RYR3: variants seen among roughly 807,000 people sequenced by gnomAD.
RYR3 encodes the protein ryanodine receptor 3.
RYR3 carries 207 observed loss-of-function variants against 584.3 expected under a neutral mutation model. That is an observed-to-expected ratio of 0.35 (90% confidence interval 0.32 to 0.40). The LOEUF (loss-of-function observed/expected upper bound fraction) is 0.40, where lower values mean the gene tolerates loss of function less well. Among genes scored for constraint, RYR3 ranks in the 10% least tolerant of loss-of-function variants. The pLI is 1.00. For missense variants in RYR3, 5,616 were observed against 6,089.2 expected, an observed-to-expected ratio of 0.92 and a Z score of 2.59; for synonymous variants, 2,416 against 2,248.5, an observed-to-expected ratio of 1.07 and a Z score of -2.11.
At chr15:33,371,593 T>TATA (rs758310765) in intron 1 of RYR3, among the ~76,000 whole-genome samples, 10 of 152,220 alleles carry the variant, frequency 6.6e-5, no homozygotes, top group Non-Finnish European at 1.2e-4. Flanking sequence ...CCATGGGGTT[T>TATA]ATAATCATGT....
At chr15:33,326,079 C>T (rs186605437) in intron 1 of RYR3, among the ~76,000 whole-genome samples, 15 of 152,302 alleles carry the variant, frequency 9.8e-5, no homozygotes, top group African/African-American at 3.1e-4. Context: ...GCTGGGATTA[C>T]AGGTGTGAGC....
chr15:33,470,732 C>T (rs566563863), intron 1 of RYR3, among the ~76,000 whole-genome samples: 4 of 152,084 alleles, frequency 2.6e-5, no homozygotes, highest in South Asian at 2.1e-4. Flanking sequence ...AGTTTTTGCA[C>T]GTGGGTAGAA....
chr15:33,330,600 T>G (rs1287919391), intron 1 of RYR3, among the ~76,000 whole-genome samples: 1 of 152,192 alleles, frequency 6.6e-6, no homozygotes, highest in Non-Finnish European at 1.5e-5. Flanking sequence ...TTTTATGAGT[T>G]GATTTGAATT....
intron 1 of RYR3, among the ~76,000 whole-genome samples, chr15:33,415,446 A>G (rs1056585786): frequency 3.3e-5 from 5 of 152,106 alleles, no homozygotes; most frequent in African/African-American, 1.2e-4. Flanking sequence ...GTGAATAAAG[A>G]TTCCATATGT....
At chr15:33,693,583 C>T (rs906763056) in intron 38 of RYR3, among the ~76,000 whole-genome samples, 4 of 152,268 alleles carry the variant, frequency 2.6e-5, no homozygotes, top group Admixed American at 2.6e-4. Flanking sequence ...TTAAATGGAA[C>T]AGAAGCTAAA....
intron 70 of RYR3, among the ~76,000 whole-genome samples, chr15:33,809,962 C>A (rs28451615): frequency 0.019 from 2,845 of 152,314 alleles, 104 homozygotes; most frequent in African/African-American, 0.066. Flanking sequence ...GATTCCAAAG[C>A]AGCCCTGCTT....
intron 1 of RYR3, among the ~76,000 whole-genome samples, chr15:33,314,396 G>A (rs1967791858): frequency 6.6e-6 from 1 of 152,200 alleles, no homozygotes; most frequent in African/African-American, 2.4e-5. Flanking sequence ...GTTATGGTGA[G>A]AAGAGTGGCA....
intron 1 of RYR3, among the ~76,000 whole-genome samples, chr15:33,361,389 C>G (rs1974748529): frequency 6.6e-6 from 1 of 152,174 alleles, no homozygotes; most frequent in African/African-American, 2.4e-5. Context: ...AGAAATAAAA[C>G]TACCTAACCA....
intron 12 of RYR3, among the ~76,000 whole-genome samples, chr15:33,576,971 C>G (rs2058331399): frequency 6.6e-6 from 1 of 152,076 alleles, no homozygotes; most frequent in Admixed American, 6.6e-5. Flanking sequence ...TAAACACCAA[C>G]AGCGAACAAG....
At chr15:33,842,404 GA>G (rs1164220330) in intron 91 of RYR3, among the ~76,000 whole-genome samples, 1 of 152,234 alleles carries the variant, frequency 6.6e-6, no homozygotes, top group Non-Finnish European at 1.5e-5. Context: ...GAATCAGAAA[GA>G]ATGTTCCTCT....
intron 67 of RYR3, 22 bp from the exon 68 acceptor site, chr15:33,800,748 G>A (rs2075874074): frequency 3.2e-6 from 5 of 1,577,038 alleles, no homozygotes; most frequent in Non-Finnish European, 4.4e-6. Flanking sequence ...TCAAATGCCT[G>A]TTTATTTACT....
intron 36 of RYR3, among the ~76,000 whole-genome samples, chr15:33,666,060 A>G (rs1566911269): frequency 6.6e-6 from 1 of 152,188 alleles, no homozygotes; most frequent in Admixed American, 6.5e-5. Flanking sequence ...GCTGGGATGC[A>G]GTGGCATGGT....
intron 85 of RYR3, among the ~76,000 whole-genome samples, chr15:33,829,300 C>A (rs2077540491): frequency 6.6e-6 from 1 of 152,074 alleles, no homozygotes; most frequent in Admixed American, 6.6e-5. Context: ...TTCTGCAGCC[C>A]ATGGATCAAG....
chr15:33,789,373 G>C (rs915053224), intron 67 of RYR3, among the ~76,000 whole-genome samples: 1 of 151,728 alleles, frequency 6.6e-6, no homozygotes, highest in African/African-American at 2.4e-5. Context: ...AAGAAGACCA[G>C]TGGGAGGTTC....
chr15:33,496,999 C>T (rs921249864), intron 2 of RYR3, among the ~76,000 whole-genome samples: 1 of 152,126 alleles, frequency 6.6e-6, no homozygotes, highest in African/African-American at 2.4e-5. Context: ...GGTACAGGAA[C>T]GAATGTACAT....
At chr15:33,325,693 C>T (rs75056582) in intron 1 of RYR3, among the ~76,000 whole-genome samples, 10,070 of 131,008 alleles carry the variant, frequency 0.077, 466 homozygotes, top group Middle Eastern at 0.15. Context: ...CTTCCCCCTT[C>T]CCCCTTCCCC....
chr15:33,346,439 G>A (rs1205396767), intron 1 of RYR3, among the ~76,000 whole-genome samples: 1 of 152,192 alleles, frequency 6.6e-6, no homozygotes, highest in Non-Finnish European at 1.5e-5. Context: ...TGCACCCAAA[G>A]TGTGGCAGTA....
At chr15:33,375,946 T>G (rs4620926) in intron 1 of RYR3, among the ~76,000 whole-genome samples, 1 of 151,848 alleles carries the variant, frequency 6.6e-6, no homozygotes, top group Non-Finnish European at 1.5e-5. Context: ...CGCCTGTAGT[T>G]GCAGCTACTC....
rs1359482829 is a variant in RYR3 at position 33,785,841 on chromosome 15, C to T, written c.9448C>T (p.Pro3150Ser). 1.2e-6 allele frequency: 2 copies of T among 1,613,784 alleles called. No individual in the cohort carries two copies. Among genetic ancestry groups the T allele is most frequent in the Non-Finnish European group, 1.7e-6 (2 of 1,179,882 alleles). ...NYLSYWWERG[P>S]ENLPPSTGPC... ...CTTGTCCTACTGGTGGGAGCGGGGT[C>T]CTGAGAACCTGCCCCCCAGCACAGG... is the stretch of plus-strand genomic sequence containing the variant. The change falls in exon 66 of 104, where the codon CCT becomes TCT. Residue 3150 changes from proline (P) to serine (S), a missense_variant. By Grantham distance (74) the Pro-to-Ser change is moderately conservative. This residue lies in a region of RYR3 where 954 missense variants were observed against 1,132.2 expected (regional missense o/e 0.84). Transcript: ENST00000634891.
Sources: allele counts gnomAD v4.1 joint callset (sites outside exome capture counted in the v4.1 genomes callset), GRCh38; gene constraint gnomAD v4.1.1; regional missense constraint gnomAD v4.1.1; transcripts MANE v1.5; gene names NCBI Gene and HGNC (gene_info 2026-07-23, HGNC 2026-07-21).